The following DEUP1 variants were observed in gnomAD, a reference collection of about 807,000 sequenced individuals.
The protein encoded by DEUP1 is deuterosome assembly protein 1.
In DEUP1, 82 loss-of-function variants were observed where a neutral mutation model predicts 87.4. The observed-to-expected ratio is 0.94, with a 90% CI of 0.78 to 1.13. The LOEUF (loss-of-function observed/expected upper bound fraction) is 1.13, where lower values mean the gene tolerates loss of function less well. Among genes scored for constraint, DEUP1 ranks in the 50% most tolerant of loss-of-function variants. The pLI, the probability that DEUP1 is intolerant of heterozygous loss-of-function variation, is 0.00. For synonymous variants in DEUP1, 214 were observed against 222.7 expected, an observed-to-expected ratio of 0.96 and a Z score of 0.35; for missense variants, 663 against 681.5, an observed-to-expected ratio of 0.97 and a Z score of 0.30.
At chr11:93,406,905 T>G (rs952951164) in intron 11 of DEUP1, among the ~76,000 whole-genome samples, 2 of 151,982 alleles carry the variant, frequency 1.3e-5, no homozygotes, top group Non-Finnish European at 2.9e-5. Flanking sequence ...AACATATATA[T>G]TCTACTTCAC....
intron 7 of DEUP1, among the ~76,000 whole-genome samples, chr11:93,380,387 G>GGTTTT (rs370792628): frequency 0.051 from 7,748 of 150,978 alleles, 401 homozygotes; most frequent in African/African-American, 0.13. Flanking sequence ...TGTTTTTTTG[G>GGTTTT]GTTTTGTTTT....
intron 2 of DEUP1, among the ~76,000 whole-genome samples, chr11:93,346,340 C>T (rs1296875613): frequency 1.3e-5 from 2 of 152,212 alleles, no homozygotes; most frequent in Non-Finnish European, 2.9e-5. Context: ...CCTCCCACCT[C>T]AGCCTCCCCA....
chr11:93,337,132 C>G (rs768447969), intron 2 of DEUP1, among the ~76,000 whole-genome samples: 2 of 152,150 alleles, frequency 1.3e-5, no homozygotes, highest in African/African-American at 4.8e-5. Context: ...TCATTATTTT[C>G]AAAGAACCAA....
At chr11:93,389,453 C>T (rs2134340684) in intron 9 of DEUP1, among the ~76,000 whole-genome samples, 1 of 152,248 alleles carries the variant, frequency 6.6e-6, no homozygotes, top group South Asian at 2.1e-4. Flanking sequence ...GGAGAAGTTT[C>T]CTGTGCAAGA....
intron 7 of DEUP1, among the ~76,000 whole-genome samples, chr11:93,382,614 G>C (rs1042602517): frequency 3.9e-5 from 6 of 152,134 alleles, no homozygotes; most frequent in African/African-American, 1.4e-4. Flanking sequence ...CCTAAGGTTA[G>C]AGCTTTTTGT....
At chr11:93,414,968 A>G in intron 12 of DEUP1, 32 bp from the exon 13 acceptor site, 1 of 1,235,274 alleles carries the variant, frequency 8.1e-7, no homozygotes, top group Non-Finnish European at 1.1e-6. Context: ...TGTCCTTGAT[A>G]GCAACAACAA....
intron 2 of DEUP1, among the ~76,000 whole-genome samples, chr11:93,343,066 G>T (rs933109096): frequency 6.6e-6 from 1 of 152,210 alleles, no homozygotes; most frequent in Non-Finnish European, 1.5e-5. Flanking sequence ...GTTGGACATA[G>T]AAGTCTTCAA....
intron 2 of DEUP1, among the ~76,000 whole-genome samples, chr11:93,348,867 A>G (rs1172172375): frequency 3.9e-5 from 6 of 152,140 alleles, no homozygotes; most frequent in African/African-American, 1.4e-4. Context: ...CATTATAGCA[A>G]TGTATCTGAT....
chr11:93,371,308 A>G (rs762634250), intron 7 of DEUP1, 28 bp downstream of exon 7: 5 of 1,598,912 alleles, frequency 3.1e-6, no homozygotes, highest in South Asian at 1.1e-5. Context: ...TTCAACTAAT[A>G]TTGTCCATGA....
At chr11:93,340,725 G>C (rs1294973168) in intron 2 of DEUP1, among the ~76,000 whole-genome samples, 2 of 152,182 alleles carry the variant, frequency 1.3e-5, no homozygotes, top group Non-Finnish European at 2.9e-5. Context: ...ATAGATCCTG[G>C]ATTGGATATG....
intron 2 of DEUP1, among the ~76,000 whole-genome samples, chr11:93,334,514 G>T (rs145347235): frequency 1.2e-3 from 190 of 152,290 alleles, no homozygotes; most frequent in African/African-American, 4.3e-3. Context: ...AGCAGGCTAA[G>T]GGTGGGAAAA....
chr11:93,411,953 A>C (rs1423677837), intron 12 of DEUP1, among the ~76,000 whole-genome samples: 2 of 152,192 alleles, frequency 1.3e-5, no homozygotes, highest in Non-Finnish European at 2.9e-5. Flanking sequence ...AGACATCTAG[A>C]AGCCTGAATC....
chr11:93,354,296 C>G (rs1409833151), intron 2 of DEUP1, among the ~76,000 whole-genome samples: 1 of 152,154 alleles, frequency 6.6e-6, no homozygotes, highest in Non-Finnish European at 1.5e-5. Flanking sequence ...CTGGGACCAC[C>G]TCAGCCTGGA....
intron 13 of DEUP1, among the ~76,000 whole-genome samples, chr11:93,419,185 T>TAAA (rs1280219565): frequency 2.8e-5 from 1 of 36,132 alleles, no homozygotes; most frequent in African/African-American, 1.2e-4. Flanking sequence ...AGTATAATAA[T>TAAA]AAAAAAAAAA....
intron 12 of DEUP1, among the ~76,000 whole-genome samples, chr11:93,410,153 T>C (rs574352820): frequency 2.0e-5 from 3 of 152,252 alleles, no homozygotes; most frequent in South Asian, 2.1e-4. Context: ...ATTAGAAGGA[T>C]ATATTGTAGC....
chr11:93,363,922 T>C (rs1945293324), intron 4 of DEUP1, among the ~76,000 whole-genome samples: 1 of 151,970 alleles, frequency 6.6e-6, no homozygotes, highest in South Asian at 2.1e-4. Context: ...ATCAAGTGAA[T>C]AATTGTTTAA....
chr11:93,418,077 T>C (rs1342949738), intron 13 of DEUP1, among the ~76,000 whole-genome samples: 4 of 152,116 alleles, frequency 2.6e-5, no homozygotes, highest in Admixed American at 6.6e-5. Context: ...CCATAAAAAC[T>C]GTAGAAGAAA....
chr11:93,380,501 C>T (rs936918068), intron 7 of DEUP1, among the ~76,000 whole-genome samples: 5 of 152,080 alleles, frequency 3.3e-5, no homozygotes, highest in Admixed American at 2.6e-4. Context: ...CCCAGGTTCA[C>T]GCCATTCTTC....
At chr11:93,419,196 AAGAC>A (rs1483243690) in intron 13 of DEUP1, among the ~76,000 whole-genome samples, 1 of 151,890 alleles carries the variant, frequency 6.6e-6, no homozygotes, top group African/African-American at 2.4e-5. Flanking sequence ...AAAAAAAAAA[AAGAC>A]AGAACTGTGG....
Sources: gnomAD v4.1 joint callset for allele counts (sites outside exome capture counted in the v4.1 genomes callset) on GRCh38, gnomAD v4.1.1 for gene constraint, MANE v1.5 for transcripts, NCBI Gene and HGNC (gene_info 2026-07-23, HGNC 2026-07-21) for gene names.